MGAT5: variants seen among roughly 807,000 people sequenced by gnomAD.
MGAT5 encodes the protein alpha-1,6-mannosylglycoprotein 6-beta-N-acetylglucosaminyltransferase A.
In MGAT5, 30 loss-of-function variants were observed where a neutral mutation model predicts 94.3. The ratio of observed to expected loss-of-function variants is 0.32; its 90% confidence interval spans 0.24 to 0.43. The LOEUF is 0.43. Among genes scored for constraint, MGAT5 ranks in the 20% least tolerant of loss-of-function variants. The pLI, the probability that MGAT5 is intolerant of heterozygous loss-of-function variation, is 1.00. For synonymous variants in MGAT5, 310 were observed against 322.9 expected (o/e 0.96, Z 0.43); for missense variants, 691 against 905.5 (o/e 0.76, Z 3.04).
chr2:134,348,338 G>A lies in MGAT5; in HGVS notation c.1113-1467G>A, dbSNP rs377153861. Among the ~76,000 whole-genome samples, 11 of 152,156 alleles carry A rather than the reference G, an allele frequency of 7.2e-5. No individual in the cohort carries two copies. In the East Asian group the frequency reaches 1.2e-3, roughly 16 times the overall value. ...TCCCACTGTGATGAGAGCATATTCC[G>A]TGAGAGCCACACAAGAATCTAAGAC... On this transcript the variant is annotated intron_variant, in intron 8 of 15. Transcript: ENST00000281923.
upstream of MGAT5, among the ~76,000 whole-genome samples, chr2:134,252,085 A>G (rs59987218): frequency 0.017 from 2,601 of 152,340 alleles, 36 homozygotes; most frequent in African/African-American, 0.03. Flanking sequence ...TTCTGGTTGA[A>G]TAGTATTCCA....
At chr2:134,266,675 T>C (rs1167520310) in intron 1 of MGAT5, among the ~76,000 whole-genome samples, 1 of 152,258 alleles carries the variant, frequency 6.6e-6, no homozygotes, top group East Asian at 1.9e-4. Context: ...ATTCATTTGT[T>C]CACTTACGTA....
intron 14 of MGAT5, among the ~76,000 whole-genome samples, chr2:134,439,591 G>A (rs1337856548): frequency 1.3e-5 from 2 of 152,178 alleles, no homozygotes; most frequent in African/African-American, 4.8e-5. Flanking sequence ...CAGCTACTGA[G>A]GAAGCTGAGG....
intron 10 of MGAT5, among the ~76,000 whole-genome samples, chr2:134,379,480 C>G (rs1681401627): frequency 1.3e-5 from 2 of 152,200 alleles, no homozygotes; most frequent in Non-Finnish European, 2.9e-5. Context: ...CTTCCCTTTG[C>G]CAGCTGGATA....
chr2:134,278,780 GCTCTTA>G (rs1448537023), intron 2 of MGAT5, among the ~76,000 whole-genome samples: 10 of 152,144 alleles, frequency 6.6e-5, no homozygotes, highest in Non-Finnish European at 1.5e-4. Flanking sequence ...GTTTATTCAT[GCTCTTA>G]CACACTTAAC....
At chr2:134,424,127 A>G (rs16830602) in intron 13 of MGAT5, among the ~76,000 whole-genome samples, 4,890 of 152,282 alleles carry the variant, frequency 0.032, 214 homozygotes, top group African/African-American at 0.1. Flanking sequence ...GTAATTTGCA[A>G]AGTAAAACTC....
In MGAT5 at chr2:134,388,574, C is replaced by T. The variant is rs150829957; in HGVS notation, c.1381-14414C>T. ...TAAATAAAGATGCAAATAAGATCCA[C>T]ACATTGTGATTGGGTAGATTCTTTA... On this transcript the variant is annotated intron_variant, in intron 10 of 15. Coordinates refer to ENST00000281923, the MANE Select transcript of MGAT5 (RefSeq NM_002410.5). 4.0e-4 allele frequency among the ~76,000 whole-genome samples: 61 copies of T among 152,248 alleles called. 3 individuals are homozygous for T. The East Asian group carries it at 0.011, about 27-fold the overall frequency.
chr2:134,125,988 C>G (rs936319910), intron 1 of MGAT5, among the ~76,000 whole-genome samples: 1 of 152,196 alleles, frequency 6.6e-6, no homozygotes, highest in Non-Finnish European at 1.5e-5. Context: ...GAGGAGTGAC[C>G]TGGAAGAGGT....
intron 1 of MGAT5, among the ~76,000 whole-genome samples, chr2:134,233,983 G>A (rs1681502446): frequency 6.6e-6 from 1 of 152,210 alleles, no homozygotes; most frequent in Admixed American, 6.5e-5. Flanking sequence ...TCACAGCTGA[G>A]AAGCTGCCTT....
chr2:134,158,209 G>A (rs1687568641), intron 1 of MGAT5, among the ~76,000 whole-genome samples: 3 of 152,218 alleles, frequency 2.0e-5, no homozygotes, highest in Non-Finnish European at 1.5e-5. Flanking sequence ...TCCATCCCTG[G>A]CGTGAAGGTG....
intron 10 of MGAT5, among the ~76,000 whole-genome samples, chr2:134,373,878 C>T (rs1680984009): frequency 6.6e-6 from 1 of 152,200 alleles, no homozygotes; most frequent in Admixed American, 6.5e-5. Flanking sequence ...GGGTGAAAAT[C>T]CCTGAGGTTG....
rs533152639 is a variant in MGAT5, at chr2:134,187,695, T to C, written c.-142-66567T>C. Among the ~76,000 whole-genome samples the C allele has an allele frequency of 7.2e-5, 11 of 152,262 alleles. No individual in the cohort carries two copies. The East Asian group carries it at 1.9e-3, about 27-fold the overall frequency. ...GTTGCTATGTCCCGAGTGTCTAGAATGTTGCTGCAGGCAGCAAATGTTCAA... is the reference window on the plus strand; with the variant it reads ...GTTGCTATGTCCCGAGTGTCTAGAACGTTGCTGCAGGCAGCAAATGTTCAA... On this transcript the variant is annotated intron_variant, in intron 1 of 16. Coordinates refer to the MGAT5 transcript ENST00000409645.
At chr2:134,330,068 G>A (rs150937159) in intron 4 of MGAT5, among the ~76,000 whole-genome samples, 206 of 152,170 alleles carry the variant, frequency 1.4e-3, no homozygotes, top group Middle Eastern at 6.8e-3. Context: ...GTTTATGTAT[G>A]CATGTATATA....
intron 9 of MGAT5, among the ~76,000 whole-genome samples, chr2:134,352,977 C>T (rs557541795): frequency 1.3e-5 from 2 of 152,194 alleles, no homozygotes; most frequent in South Asian, 4.2e-4. Context: ...CATATGATTC[C>T]ACTCGTAAAG....
chr2:134,307,017 G>C (rs569124750), intron 2 of MGAT5, among the ~76,000 whole-genome samples: 1 of 152,136 alleles, frequency 6.6e-6, no homozygotes, highest in African/African-American at 2.4e-5. Flanking sequence ...TGGCCAGATA[G>C]TATCTTACGA....
intron 1 of MGAT5, among the ~76,000 whole-genome samples, chr2:134,161,908 T>G (rs550358290): frequency 6.6e-6 from 1 of 152,202 alleles, no homozygotes; most frequent in East Asian, 1.9e-4. Flanking sequence ...TACACATGTT[T>G]GGCCGGGCGC....
chr2:134,309,287 AT>A (rs1297950941), intron 2 of MGAT5, among the ~76,000 whole-genome samples: 1 of 152,230 alleles, frequency 6.6e-6, no homozygotes, highest in African/African-American at 2.4e-5. Flanking sequence ...GAATGTTTAC[AT>A]ACAAATTTTT....
At chr2:134,237,121 A>ATGTGTGTGTGTG (rs1283215466) in intron 1 of MGAT5, among the ~76,000 whole-genome samples, 6 of 122,708 alleles carry the variant, frequency 4.9e-5, no homozygotes, top group African/African-American at 1.5e-4. Flanking sequence ...TAGAAGGAGT[A>ATGTGTGTGTGTG]TATGTGTGTG....
At chr2:134,246,010 G>A (rs181260114) in intron 1 of MGAT5, among the ~76,000 whole-genome samples, 19 of 152,244 alleles carry the variant, frequency 1.2e-4, no homozygotes, top group African/African-American at 3.6e-4. Flanking sequence ...GAGGGGATGG[G>A]CTGTTTAAAA....
Sources: allele counts gnomAD v4.1 joint callset (sites outside exome capture counted in the v4.1 genomes callset), GRCh38; gene constraint gnomAD v4.1.1; transcripts MANE v1.5; gene names NCBI Gene and HGNC (gene_info 2026-07-23, HGNC 2026-07-21).